The following PHACTR4 variants were observed in gnomAD, a reference collection of about 807,000 sequenced individuals.
PHACTR4 encodes phosphatase and actin regulator 4, also known as protein phosphatase 1, regulatory subunit 124.
PHACTR4 carries 51 observed loss-of-function variants against 72.7 expected under a neutral mutation model. The ratio of observed to expected loss-of-function variants is 0.70; its 90% CI spans 0.56 to 0.89. The LOEUF (loss-of-function observed/expected upper bound fraction) is 0.89, where lower values mean the gene tolerates loss of function less well. Ranked by LOEUF, PHACTR4 falls within the 40% of genes least tolerant of loss-of-function variation. The probability of loss-of-function intolerance (pLI) is 0.00; values close to 1 mark genes in which losing one functional copy is unlikely to be tolerated. For missense variants in PHACTR4, 731 were observed against 861.8 expected (o/e 0.85, Z 1.90); for synonymous variants, 255 against 302.5 (o/e 0.84, Z 1.63).
rs200824853 is a variant in PHACTR4, at chr1:28,460,508, TC to T, written c.271+217del. 7.9e-3 allele frequency among the ~76,000 whole-genome samples: 1,203 copies of T among 152,166 alleles called. 17 individuals carry two copies. Among genetic ancestry groups the T allele is most frequent in the African/African-American group, 0.028 (1,156 of 41,500 alleles). ...TTTGTGCCAGCTACAATATTGCGTG[TC>T]TTTTTTTTCCCCCCCTTGAGACAGA... is the stretch of plus-strand genomic sequence containing the variant. On this transcript the variant is annotated intron_variant, in intron 4 of 13. Coordinates refer to ENST00000373839, the MANE Select transcript of PHACTR4 (RefSeq NM_001048183.3).
intron 2 of PHACTR4, among the ~76,000 whole-genome samples, chr1:28,409,972 TTTTTTTTTTTTTTG>T (rs1654659860): frequency 8.1e-6 from 1 of 123,026 alleles, no homozygotes; most frequent in Non-Finnish European, 1.7e-5. Context: ...TTTTTTTTTT[TTTTTTTTTTTTTTG>T]AGACAGAGTC....
rs574287193 is a variant in PHACTR4 at position 28,451,878 on chromosome 1, A to AT, written c.17-7206dup. 4.6e-4 allele frequency among the ~76,000 whole-genome samples: 70 copies of AT among 151,836 alleles called. 2 individuals are homozygous for AT. In the South Asian group the frequency reaches 0.014, roughly 31 times the overall value. ...GATCTTAAACTCCTGGGCTCAAGTG[A>AT]TCCCCACTACCTCGACCTCCCAGAG... On this transcript the variant is annotated intron_variant, in intron 2 of 13. Transcript: ENST00000373839.
At chr1:28,424,735 G>A (rs1053462364) in intron 2 of PHACTR4, among the ~76,000 whole-genome samples, 5 of 151,760 alleles carry the variant, frequency 3.3e-5, no homozygotes, top group Non-Finnish European at 5.9e-5. Context: ...TGATCTGCCC[G>A]CCTCAGCCTC....
At chr1:28,394,598 C>CT (rs762426587) in intron 1 of PHACTR4, among the ~76,000 whole-genome samples, 36,659 of 140,424 alleles carry the variant, frequency 0.26, 4,771 homozygotes, top group Middle Eastern at 0.35. Context: ...GCCATCTTTT[C>CT]TTTTTTTTTT....
At chr1:28,447,035 G>C (rs1657528767) in intron 2 of PHACTR4, among the ~76,000 whole-genome samples, 1 of 131,514 alleles carries the variant, frequency 7.6e-6, no homozygotes, top group Non-Finnish European at 1.5e-5. Context: ...TATTTAGATA[G>C]AGTCTCACTT....
At chr1:28,433,070 A>G (rs1293261919) in intron 2 of PHACTR4, 2 of 985,176 alleles carry the variant, frequency 2.0e-6, no homozygotes, top group African/African-American at 3.5e-5. Flanking sequence ...TCCCTAAGTA[A>G]AATAGGAAGA....
chr1:28,377,951 A>C (rs1651812846), intron 1 of PHACTR4, among the ~76,000 whole-genome samples: 1 of 151,798 alleles, frequency 6.6e-6, no homozygotes, highest in African/African-American at 2.4e-5. Context: ...TAATCCCAGC[A>C]CTTTGGGAGG....
intron 2 of PHACTR4, among the ~76,000 whole-genome samples, chr1:28,431,387 G>T (rs943822930): frequency 2.7e-5 from 4 of 148,810 alleles, no homozygotes; most frequent in African/African-American, 7.4e-5. Context: ...TAAAGACAGG[G>T]TTTCACCATG....
intron 2 of PHACTR4, among the ~76,000 whole-genome samples, chr1:28,432,645 AAT>A (rs943760978): frequency 6.6e-6 from 1 of 152,128 alleles, no homozygotes; most frequent in Non-Finnish European, 1.5e-5. Flanking sequence ...TGTAAAAAAA[AAT>A]AAAAATGAAA....
chr1:28,399,729 A>G (rs552924650), intron 1 of PHACTR4, among the ~76,000 whole-genome samples: 1 of 152,332 alleles, frequency 6.6e-6, no homozygotes, highest in African/African-American at 2.4e-5. Context: ...AAGCATATCT[A>G]TAGATAAATT....
chr1:28,385,050 T>C (rs1652454258), intron 1 of PHACTR4, among the ~76,000 whole-genome samples: 2 of 152,216 alleles, frequency 1.3e-5, no homozygotes, highest in Non-Finnish European at 1.5e-5. Context: ...GATTTGCTCT[T>C]GGTTATCTAG....
At chr1:28,429,109 A>C (rs1433898623) in intron 2 of PHACTR4, among the ~76,000 whole-genome samples, 1 of 152,184 alleles carries the variant, frequency 6.6e-6, no homozygotes, top group African/African-American at 2.4e-5. Context: ...TAGCCACATA[A>C]ATAAACCAGT....
At chr1:28,435,855 G>A (rs1656598710) in intron 2 of PHACTR4, among the ~76,000 whole-genome samples, 1 of 152,148 alleles carries the variant, frequency 6.6e-6, no homozygotes, top group Admixed American at 6.5e-5. Flanking sequence ...TTTTGCTCAT[G>A]GTCTGCTTTT....
intron 6 of PHACTR4, among the ~76,000 whole-genome samples, chr1:28,469,140 C>G (rs936547546): frequency 6.6e-6 from 1 of 152,044 alleles, no homozygotes; most frequent in Non-Finnish European, 1.5e-5. Context: ...CTTCCTAATC[C>G]TTTGGTGTTA....
In PHACTR4 at chr1:28,407,479, A is replaced by G. The variant is rs1356212363; in HGVS notation, c.16+16A>G. On this transcript the variant is annotated intron_variant, in intron 2 of 13. Transcript: ENST00000373839. ...GATCCATTTGGTGAGTATCACCTAC[A>G]TTGTTCTTAGTAAATGACATTTCTG... 1.2e-6 allele frequency: 2 copies of G among 1,601,382 alleles called. No individual in the cohort carries two copies. Among genetic ancestry groups the G allele is most frequent in the Admixed American group, 1.7e-5 (1 of 59,500 alleles).
chr1:28,427,111 C>G (rs1324014593), intron 2 of PHACTR4, among the ~76,000 whole-genome samples: 3 of 152,174 alleles, frequency 2.0e-5, no homozygotes, highest in Non-Finnish European at 2.9e-5. Context: ...CATTTGAGAA[C>G]TGAGCAGCAA....
intron 1 of PHACTR4, among the ~76,000 whole-genome samples, chr1:28,404,408 G>A (rs1654174655): frequency 6.7e-6 from 1 of 148,768 alleles, no homozygotes; most frequent in African/African-American, 2.5e-5. Flanking sequence ...TCAGCCTCCT[G>A]AGTACCTGGG....
At chr1:28,421,800 A>G (rs1308154587) in intron 2 of PHACTR4, among the ~76,000 whole-genome samples, 1 of 152,192 alleles carries the variant, frequency 6.6e-6, no homozygotes, top group Non-Finnish European at 1.5e-5. Context: ...TCCTGCTAGG[A>G]TGGGGAGCTT....
chr1:28,390,239 A>C (rs1652900179), intron 1 of PHACTR4, among the ~76,000 whole-genome samples: 1 of 152,072 alleles, frequency 6.6e-6, no homozygotes, highest in African/African-American at 2.4e-5. Flanking sequence ...ATAGCCTCGA[A>C]GTCCCTCCTG....
Sources: allele counts gnomAD v4.1 joint callset (sites outside exome capture counted in the v4.1 genomes callset), GRCh38; gene constraint gnomAD v4.1.1; transcripts MANE v1.5; gene names NCBI Gene and HGNC (gene_info 2026-07-23, HGNC 2026-07-21).